UPP2: variants seen among roughly 807,000 people sequenced by gnomAD.
UPP2 encodes uridine phosphorylase 2.
In UPP2, 23 loss-of-function variants were observed where a neutral mutation model predicts 26.7. The observed-to-expected ratio is 0.86, with a 90% confidence interval of 0.62 to 1.22. The LOEUF (loss-of-function observed/expected upper bound fraction) is 1.22. Among genes scored for constraint, UPP2 ranks in the 50% most tolerant of loss-of-function variants. The pLI, the probability that UPP2 is intolerant of heterozygous loss-of-function variation, is 0.00. For missense variants in UPP2, 387 were observed against 396.7 expected, an observed-to-expected ratio of 0.98 and a Z score of 0.21; for synonymous variants, 127 against 141.3, an observed-to-expected ratio of 0.90 and a Z score of 0.72.
chr2:158,134,761 T>C lies in UPP2; in HGVS notation c.825T>C (p.Cys275=), dbSNP rs1176582400. 6.2e-7 allele frequency: 1 copy of C among 1,611,620 alleles called. No individual in the cohort carries two copies. Among genetic ancestry groups the C allele is most frequent in the Non-Finnish European group, 8.5e-7 (1 of 1,178,808 alleles). The change falls in exon 7 of 7, where the codon TGT becomes TGC. Residue 275 remains cysteine (C), a synonymous_variant. Coordinates refer to ENST00000005756, the MANE Select transcript of UPP2 (RefSeq NM_173355.4). ...GLCGLKAAVV[C]VTLLDRLDCD... is the part of the protein sequence containing the mutation. ...TTGCTCTTCTAGCTGCTGTGGTCTG[T>C]GTGACACTTCTCGACAGACTCGACT...
intron 2 of UPP2, chr2:157,995,276 G>A (rs756070148): frequency 1.9e-6 from 3 of 1,613,058 alleles, no homozygotes. Context: ...GAGGGAAGAG[G>A]AGAAATACAT....
chr2:158,121,414 G>C lies in UPP2; in HGVS notation c.460G>C (p.Ala154Pro). Residue 154 changes from alanine (A) to proline (P), a missense_variant, in exon 5 of 7, where the codon GCA becomes CCA. Physicochemically the swap from Ala to Pro is conservative, Grantham distance 27. Transcript: ENST00000005756. ...CATTTATTCCCACATTGCAGGGATT[G>C]CACCAGGGACTGTTGTAATAACGGA... is the stretch of plus-strand genomic sequence containing the variant. ...RIGTSGGIGIAPGTVVITDIA... is the reference protein window; with the variant it reads ...RIGTSGGIGIPPGTVVITDIA... The C allele has an allele frequency of 6.2e-7, 1 of 1,611,728 alleles. No individual in the cohort carries two copies. The highest frequency in any genetic ancestry group is 8.5e-7 in the Non-Finnish European group (1 of 1,177,784).
chr2:158,117,067 A>G (rs963723996), intron 3 of UPP2, among the ~76,000 whole-genome samples: 2 of 152,200 alleles, frequency 1.3e-5, no homozygotes, highest in East Asian at 1.9e-4. Flanking sequence ...TATGTCAGGA[A>G]TTAAGTTACT....
chr2:158,088,118 A>G (rs1682846432), intron 3 of UPP2, among the ~76,000 whole-genome samples: 1 of 152,176 alleles, frequency 6.6e-6, no homozygotes, highest in Non-Finnish European at 1.5e-5. Flanking sequence ...GGGAACACCA[A>G]TTATTCCTAG....
intron 3 of UPP2, among the ~76,000 whole-genome samples, chr2:158,046,796 A>G (rs1684162166): frequency 1.3e-5 from 2 of 152,204 alleles, no homozygotes; most frequent in Non-Finnish European, 1.5e-5. Flanking sequence ...ACCAGAAATA[A>G]GCTTAGGGAG....
intron 5 of UPP2, among the ~76,000 whole-genome samples, chr2:158,123,427 G>A (rs1468646555): frequency 1.3e-5 from 2 of 152,090 alleles, no homozygotes; most frequent in Admixed American, 1.3e-4. Context: ...TTCCTCAAAG[G>A]GCAGCTCTCA....
At chr2:157,999,959 G>C (rs535477863) in intron 2 of UPP2, among the ~76,000 whole-genome samples, 1 of 152,128 alleles carries the variant, frequency 6.6e-6, no homozygotes, top group African/African-American at 2.4e-5. Flanking sequence ...GAGGGAAGGA[G>C]AGAGAGAGGG....
intron 6 of UPP2, among the ~76,000 whole-genome samples, chr2:158,132,538 C>T (rs185866703): frequency 1.3e-5 from 2 of 152,274 alleles, no homozygotes; most frequent in Non-Finnish European, 2.9e-5. Flanking sequence ...ATCATAAATG[C>T]TTGGCATGTA....
intron 3 of UPP2, among the ~76,000 whole-genome samples, chr2:158,016,743 C>T (rs893372649): frequency 5.3e-5 from 8 of 151,996 alleles, no homozygotes; most frequent in Non-Finnish European, 1.0e-4. Flanking sequence ...TTTCTATAAT[C>T]CTGGAGAGAT....
intron 3 of UPP2, among the ~76,000 whole-genome samples, chr2:158,062,602 G>A (rs1025369473): frequency 3.3e-5 from 5 of 152,142 alleles, no homozygotes; most frequent in African/African-American, 1.2e-4. Flanking sequence ...TTTGACCCAA[G>A]GATAGGACAC....
rs202036385 is a variant in UPP2, at chr2:158,020,980, C to T, written c.147+5094C>T. ...AGTAAAGAATGATGAGAACAGGGAT[C>T]GAGGGGACAGCTGCTGCTTGGCTCT... On this transcript the variant is annotated intron_variant, in intron 3 of 9. Transcript: ENST00000605860. 1.6e-4 allele frequency among the ~76,000 whole-genome samples: 25 copies of T among 152,216 alleles called. No individual in the cohort carries two copies. The East Asian group carries it at 4.1e-3, about 25-fold the overall frequency.
At chr2:158,056,317 T>TACATTTGTTACAATTA (rs1682244065) in intron 3 of UPP2, among the ~76,000 whole-genome samples, 1 of 152,182 alleles carries the variant, frequency 6.6e-6, no homozygotes, top group South Asian at 2.1e-4. Context: ...TACACCATGG[T>TACATTTGTTACAATTA]ACATTTGTTA....
intron 3 of UPP2, among the ~76,000 whole-genome samples, chr2:158,056,490 G>T (rs1361730484): frequency 6.6e-6 from 1 of 152,180 alleles, no homozygotes; most frequent in African/African-American, 2.4e-5. Context: ...AAAAATAACA[G>T]AAATGTATTG....
At chr2:158,013,653 T>C (rs1454020464) in intron 2 of UPP2, among the ~76,000 whole-genome samples, 2 of 152,196 alleles carry the variant, frequency 1.3e-5, no homozygotes, top group African/African-American at 4.8e-5. Flanking sequence ...GGTGAGATGA[T>C]GGATACAGAG....
intron 6 of UPP2, among the ~76,000 whole-genome samples, chr2:158,125,826 A>C (rs1683681371): frequency 6.6e-6 from 1 of 152,210 alleles, no homozygotes; most frequent in African/African-American, 2.4e-5. Context: ...AGCACCCCAC[A>C]CAGCCTGCAG....
intron 3 of UPP2, among the ~76,000 whole-genome samples, chr2:158,016,514 T>C (rs922109729): frequency 1.3e-5 from 2 of 152,056 alleles, no homozygotes; most frequent in African/African-American, 4.8e-5. Flanking sequence ...CTAATTTTTG[T>C]ATTTTTAGTA....
intron 2 of UPP2, among the ~76,000 whole-genome samples, chr2:158,015,585 G>A (rs771195515): frequency 2.0e-5 from 3 of 152,086 alleles, no homozygotes; most frequent in South Asian, 4.1e-4. Context: ...AGTTATATAC[G>A]GATGTGGTTT....
chr2:158,002,100 C>G (rs532141807), intron 2 of UPP2, among the ~76,000 whole-genome samples: 1 of 151,970 alleles, frequency 6.6e-6, no homozygotes. Context: ...AAATTCACCT[C>G]ATTTTTCAAA....
chr2:158,112,351 T>G (rs989379538), intron 2 of UPP2, among the ~76,000 whole-genome samples: 1 of 152,090 alleles, frequency 6.6e-6, no homozygotes. Flanking sequence ...GACAATTTAT[T>G]GTGAAAAGAA....
Sources: gnomAD v4.1 joint callset for allele counts (sites outside exome capture counted in the v4.1 genomes callset) on GRCh38, gnomAD v4.1.1 for gene constraint, MANE v1.5 for transcripts, NCBI Gene and HGNC (gene_info 2026-07-23, HGNC 2026-07-21) for gene names.